The following CACNA2D3 variants were observed in gnomAD, a reference collection of about 807,000 sequenced individuals.
CACNA2D3 encodes the protein calcium voltage-gated channel auxiliary subunit alpha2delta 3.
A neutral mutation model predicts 160.6 loss-of-function variants in CACNA2D3; 60 were observed. The ratio of observed to expected loss-of-function variants is 0.37; its 90% confidence interval spans 0.30 to 0.46. The LOEUF is 0.46. Among genes scored for constraint, CACNA2D3 ranks in the 20% least tolerant of loss-of-function variants. The probability of loss-of-function intolerance (pLI) is 1.00; values close to 1 mark genes in which losing one functional copy is unlikely to be tolerated. For synonymous variants in CACNA2D3, 558 were observed against 492.9 expected (o/e 1.13, Z -1.75); for missense variants, 1,205 against 1,365.0 (o/e 0.88, Z 1.85).
chr3:54,363,462 C>G (rs760254278), intron 3 of CACNA2D3, among the ~76,000 whole-genome samples: 9 of 152,040 alleles, frequency 5.9e-5, no homozygotes, highest in Non-Finnish European at 2.9e-5. Context: ...TCACATTGGC[C>G]TCCTGGGTTA....
intron 2 of CACNA2D3, among the ~76,000 whole-genome samples, chr3:54,195,651 G>A (rs1285951603): frequency 6.6e-6 from 1 of 152,224 alleles, no homozygotes; most frequent in Non-Finnish European, 1.5e-5. Context: ...AGCTGCTCAG[G>A]TAGTCCAGGT....
intron 4 of CACNA2D3, among the ~76,000 whole-genome samples, chr3:54,422,640 T>A (rs1226565026): frequency 6.6e-6 from 1 of 152,146 alleles, no homozygotes; most frequent in African/African-American, 2.4e-5. Flanking sequence ...AGCACCATTT[T>A]AACAATCAGT....
intron 4 of CACNA2D3, among the ~76,000 whole-genome samples, chr3:54,410,582 C>T (rs1331688078): frequency 6.6e-6 from 1 of 152,138 alleles, no homozygotes. Context: ...CATCTGTTTG[C>T]CGCATGGTTT....
chr3:54,426,036 C>T (rs1289434714), intron 4 of CACNA2D3, among the ~76,000 whole-genome samples: 2 of 152,142 alleles, frequency 1.3e-5, no homozygotes, highest in African/African-American at 4.8e-5. Flanking sequence ...TTGAGTTGTT[C>T]CTTCTGGTCA....
intron 2 of CACNA2D3, among the ~76,000 whole-genome samples, chr3:54,142,271 A>G (rs566040125): frequency 3.9e-5 from 6 of 152,164 alleles, no homozygotes; most frequent in Admixed American, 1.3e-4. Flanking sequence ...TCTTGTTTCT[A>G]CTGCCCCAAA....
intron 4 of CACNA2D3, among the ~76,000 whole-genome samples, chr3:54,451,227 A>ATTT (rs1559484336): frequency 1.3e-4 from 9 of 70,456 alleles, no homozygotes; most frequent in Non-Finnish European, 1.4e-4. Flanking sequence ...TGATATAATA[A>ATTT]TCTTTTTTTT....
intron 2 of CACNA2D3, among the ~76,000 whole-genome samples, chr3:54,181,575 G>T (rs1318602153): frequency 6.6e-6 from 1 of 152,028 alleles, no homozygotes; most frequent in Non-Finnish European, 1.5e-5. Context: ...AAAATTTAAA[G>T]ATTTTTTTTA....
intron 35 of CACNA2D3, among the ~76,000 whole-genome samples, chr3:55,033,331 G>A (rs1163296765): frequency 6.6e-6 from 1 of 152,014 alleles, no homozygotes; most frequent in African/African-American, 2.4e-5. Flanking sequence ...GTGGTACATA[G>A]GATATGCAAT....
chr3:54,877,265 T>G (rs1969480), intron 18 of CACNA2D3: 3 of 152,180 alleles, frequency 2.0e-5, no homozygotes, highest in Non-Finnish European at 2.9e-5. Flanking sequence ...TCAAGCAAAC[T>G]CAAGTCCGAA....
intron 2 of CACNA2D3, among the ~76,000 whole-genome samples, chr3:54,149,887 C>G (rs1053115168): frequency 5.6e-4 from 23 of 41,196 alleles, no homozygotes; most frequent in African/African-American, 1.8e-3. Flanking sequence ...GTATCTGTCT[C>G]TCTCTCTCTC....
At chr3:54,410,192 T>C (rs527585191) in intron 4 of CACNA2D3, among the ~76,000 whole-genome samples, 8 of 151,834 alleles carry the variant, frequency 5.3e-5, no homozygotes, top group Non-Finnish European at 1.2e-4. Flanking sequence ...CTACTAAAAA[T>C]ACACACAAAA....
intron 2 of CACNA2D3, among the ~76,000 whole-genome samples, chr3:54,314,342 T>C (rs1703815084): frequency 6.6e-6 from 1 of 152,264 alleles, no homozygotes; most frequent in Admixed American, 6.5e-5. Flanking sequence ...AATTTTCCGA[T>C]AGCGAATTGT....
intron 27 of CACNA2D3, among the ~76,000 whole-genome samples, chr3:54,951,653 G>T (rs1050136015): frequency 6.6e-6 from 1 of 150,398 alleles, no homozygotes; most frequent in African/African-American, 2.5e-5. Context: ...TCCAGTCCCA[G>T]TTCCAAGAAG....
rs577901699 is a variant in CACNA2D3 at position 54,384,292 on chromosome 3, C to T, written c.322-2423C>T. On this transcript the variant is annotated intron_variant, in intron 3 of 37. Coordinates refer to ENST00000474759, the MANE Select transcript of CACNA2D3 (RefSeq NM_018398.3). ...AGTAAATAAATGCTCAAATGCATGA[C>T]TTGTTTTGATAATGTAAGTATTCAG... Among the ~76,000 whole-genome samples the T allele has an allele frequency of 3.9e-5, 6 of 152,198 alleles. No homozygotes were observed. In the South Asian group the frequency reaches 6.2e-4, roughly 16 times the overall value.
chr3:54,619,035 T>G (rs993990843), intron 9 of CACNA2D3, among the ~76,000 whole-genome samples: 2 of 152,242 alleles, frequency 1.3e-5, no homozygotes, highest in Non-Finnish European at 2.9e-5. Context: ...CTTTGGAAAT[T>G]TCAGAAAGAC....
chr3:54,617,096 C>G (rs1321840381), intron 9 of CACNA2D3, among the ~76,000 whole-genome samples: 4 of 152,172 alleles, frequency 2.6e-5, no homozygotes, highest in African/African-American at 9.7e-5. Flanking sequence ...CTGATCTTCT[C>G]ACTACATGTA....
At chr3:54,816,255 A>G (rs1047192513) in intron 13 of CACNA2D3, among the ~76,000 whole-genome samples, 2 of 152,228 alleles carry the variant, frequency 1.3e-5, no homozygotes, top group African/African-American at 4.8e-5. Flanking sequence ...ATTGACTTTA[A>G]AAACAAGCAT....
intron 3 of CACNA2D3, among the ~76,000 whole-genome samples, chr3:54,337,776 A>C (rs935235187): frequency 1.1e-4 from 17 of 152,190 alleles, no homozygotes; most frequent in African/African-American, 3.4e-4. Context: ...CCTTTCTTCC[A>C]ATAGGTGGCT....
intron 9 of CACNA2D3, 43 bp from the exon 10 acceptor site, chr3:54,627,744 T>G: frequency 7.8e-7 from 1 of 1,279,436 alleles, no homozygotes; most frequent in Non-Finnish European, 1.1e-6. Context: ...GTGTTTCACA[T>G]AACAGGACAG....
Sources: gnomAD v4.1 joint callset for allele counts (sites outside exome capture counted in the v4.1 genomes callset) on GRCh38, gnomAD v4.1.1 for gene constraint, MANE v1.5 for transcripts, NCBI Gene and HGNC (gene_info 2026-07-23, HGNC 2026-07-21) for gene names.